PPEF1: variants seen among roughly 807,000 people sequenced by gnomAD.
PPEF1 encodes protein phosphatase with EF-hand domain 1, also known as serine/threonine-protein phosphatase with EF-hands 1.
PPEF1 carries 12 observed loss-of-function variants against 53.3 expected under a neutral mutation model. The ratio of observed to expected loss-of-function variants is 0.23; its 90% CI spans 0.14 to 0.36. The LOEUF (loss-of-function observed/expected upper bound fraction) is 0.36, where lower values mean the gene tolerates loss of function less well. Among genes scored for constraint, PPEF1 ranks in the 10% least tolerant of loss-of-function variants. The pLI, the probability that PPEF1 is intolerant of heterozygous loss-of-function variation, is 1.00. For missense variants in PPEF1, 334 were observed against 490.4 expected (o/e 0.68, Z 3.01); for synonymous variants, 165 against 176.7 (o/e 0.93, Z 0.52).
intron 1 of PPEF1, among the ~76,000 whole-genome samples, chrX:18,718,079 A>G (rs2044499014): frequency 8.9e-6 from 1 of 112,147 alleles, no homozygotes; most frequent in East Asian, 2.8e-4. Flanking sequence ...TTGGTACTAC[A>G]AACACATTTA....
chrX:18,785,703 C>G (rs925926580), intron 9 of PPEF1, among the ~76,000 whole-genome samples: 18 of 110,702 alleles, frequency 1.6e-4, no homozygotes, highest in African/African-American at 5.9e-4. Flanking sequence ...GTCAACATAG[C>G]AAGATGTCAT....
chrX:18,755,726 C>A (rs1208024778), intron 4 of PPEF1, among the ~76,000 whole-genome samples: 3 of 111,622 alleles, frequency 2.7e-5, no homozygotes, highest in Non-Finnish European at 3.8e-5. Flanking sequence ...TCCCCCAGCC[C>A]CTGGCAATAC....
At chrX:18,688,410 A>C (rs1183159517) in intron 3 of PPEF1, among the ~76,000 whole-genome samples, 2 of 112,793 alleles carry the variant, frequency 1.8e-5, no homozygotes, top group Non-Finnish European at 3.7e-5. Context: ...AGTTACAAAT[A>C]GCTCTTATTG....
At chrX:18,827,156 C>A in intron 15 of PPEF1, 120 bp from the exon 16 acceptor site, 1 of 531,558 alleles carries the variant, frequency 1.9e-6, no homozygotes. Flanking sequence ...TCAGTATCTT[C>A]ATGATTAGGC....
At chrX:18,754,052 TAAA>T (rs11334908) in intron 4 of PPEF1, among the ~76,000 whole-genome samples, 3 of 96,183 alleles carry the variant, frequency 3.1e-5, no homozygotes, top group Admixed American at 1.2e-4. Context: ...AGGAGCGATT[TAAA>T]AAAAAAAAAA....
chrX:18,775,846 T>C (rs1365715239), intron 6 of PPEF1, among the ~76,000 whole-genome samples: 1 of 112,581 alleles, frequency 8.9e-6, no homozygotes, highest in African/African-American at 3.2e-5. Context: ...TGTTTCTAGG[T>C]ACCCCTAAAT....
At chrX:18,746,381 G>T (rs930939228) in intron 3 of PPEF1, among the ~76,000 whole-genome samples, 1 of 111,976 alleles carries the variant, frequency 8.9e-6, no homozygotes, top group African/African-American at 3.2e-5. Flanking sequence ...ATGATTTGAC[G>T]TTGACTAATA....
chrX:18,727,229 A>G lies in PPEF1; in HGVS notation c.47-2952A>G, dbSNP rs192790662. ...TGTTGTGAGGACTGCAGGACTAATC[A>G]ATGCATGGTCCTTTGTAAGTGCCTA... On this transcript the variant is annotated intron_variant, in intron 1 of 15. Coordinates refer to ENST00000470157, the MANE Select transcript of PPEF1 (RefSeq NM_001377996.1). Among the ~76,000 whole-genome samples the G allele has an allele frequency of 1.6e-3, 175 of 111,281 alleles. 1 individual carries two copies. The highest frequency in any genetic ancestry group is 2.0e-3 in the Non-Finnish European group (105 of 53,076).
intron 5 of PPEF1, among the ~76,000 whole-genome samples, chrX:18,759,345 G>A (rs967809541): frequency 3.6e-5 from 4 of 111,149 alleles, no homozygotes; most frequent in African/African-American, 9.8e-5. Context: ...ACCATCTTCC[G>A]TTTAAGACGG....
intron 7 of PPEF1, among the ~76,000 whole-genome samples, chrX:18,780,981 G>A (rs2046072377): frequency 9.4e-6 from 1 of 106,918 alleles, no homozygotes; most frequent in South Asian, 4.3e-4. Flanking sequence ...GCGTGAACCC[G>A]GGAGGCAGAG....
At chrX:18,734,028 CA>C (rs1266459008) in intron 3 of PPEF1, among the ~76,000 whole-genome samples, 1 of 111,358 alleles carries the variant, frequency 9.0e-6, no homozygotes, top group Non-Finnish European at 1.9e-5. Context: ...TTCACTTTTC[CA>C]AAAGCTGAAT....
intron 7 of PPEF1, among the ~76,000 whole-genome samples, chrX:18,781,067 A>G (rs1313126125): frequency 6.3e-5 from 5 of 79,295 alleles, no homozygotes; most frequent in Admixed American, 6.1e-4. Flanking sequence ...AAAACAAAAA[A>G]AAAGGGTGGG....
chrX:18,707,638 C>A, upstream of PPEF1: 1 of 496,404 alleles, frequency 2.0e-6, no homozygotes, highest in Non-Finnish European at 3.4e-6. Context: ...CCTTCCCTCC[C>A]TCCTGTGTAT....
chrX:18,806,711 A>G (rs2046674375), intron 12 of PPEF1, among the ~76,000 whole-genome samples, 166 bp downstream of exon 12: 1 of 112,205 alleles, frequency 8.9e-6, no homozygotes, highest in Non-Finnish European at 1.9e-5. Flanking sequence ...GAATGCACCC[A>G]TATTTGAAAC....
upstream of PPEF1, among the ~76,000 whole-genome samples, chrX:18,678,179 C>G (rs1928748567): frequency 9.5e-6 from 1 of 105,770 alleles, no homozygotes; most frequent in African/African-American, 3.5e-5. Flanking sequence ...GCTTATAATC[C>G]CAGCACTTCG....
intron 6 of PPEF1, among the ~76,000 whole-genome samples, chrX:18,765,194 A>C (rs2045742059): frequency 8.9e-6 from 1 of 111,733 alleles, no homozygotes; most frequent in African/African-American, 3.3e-5. Context: ...TGGAAAACAG[A>C]AGTGTGCAAG....
intron 1 of PPEF1, among the ~76,000 whole-genome samples, chrX:18,718,341 C>T (rs1238028606): frequency 2.7e-5 from 3 of 110,474 alleles, no homozygotes; most frequent in Admixed American, 9.7e-5. Flanking sequence ...GAGGCTGAGG[C>T]GGGAGGATCA....
chrX:18,714,310 C>T lies in PPEF1; in HGVS notation c.46+6484C>T, dbSNP rs1238678111. Among the ~76,000 whole-genome samples, 9 of 87,610 alleles carry T rather than the reference C, an allele frequency of 1.0e-4. No individual in the cohort carries two copies. The Admixed American group carries it at 1.6e-3, about 15-fold the overall frequency. 76.1% of individuals were successfully genotyped at this position (87,610 alleles called of 115,157 possible). ...TTTTTGAGATGGAATCTCACTCTGT[C>T]GCCTGGGCTGGAGCGCAGTGGCGTG... On this transcript the variant is annotated intron_variant, in intron 1 of 15. Coordinates refer to ENST00000470157, the MANE Select transcript of PPEF1 (RefSeq NM_001377996.1).
chrX:18,716,473 A>AGT (rs2044457523), intron 1 of PPEF1, among the ~76,000 whole-genome samples: 1 of 101,186 alleles, frequency 9.9e-6, no homozygotes, highest in Non-Finnish European at 2.0e-5. Context: ...CGGAGCTTGC[A>AGT]GTGAGCCAAG....
Sources: gnomAD v4.1 joint callset for allele counts (sites outside exome capture counted in the v4.1 genomes callset) on GRCh38, gnomAD v4.1.1 for gene constraint, MANE v1.5 for transcripts, NCBI Gene and HGNC (gene_info 2026-07-23, HGNC 2026-07-21) for gene names.